The following ELMO1 variants were observed in gnomAD, a reference collection of about 807,000 sequenced individuals.
ELMO1 encodes the protein engulfment and cell motility 1.
ELMO1 carries 26 observed loss-of-function variants against 98.9 expected under a neutral mutation model. That is an observed-to-expected ratio of 0.26 (90% CI 0.19 to 0.36). The LOEUF is 0.36. Among genes scored for constraint, ELMO1 ranks in the 10% least tolerant of loss-of-function variants. The probability of loss-of-function intolerance (pLI) is 1.00; values close to 1 mark genes in which losing one functional copy is unlikely to be tolerated. For synonymous variants in ELMO1, 346 were observed against 346.0 expected (o/e 1.00, Z 0.00); for missense variants, 627 against 935.2 (o/e 0.67, Z 4.30).
chr7:37,135,083 A>T (rs1163394909), intron 13 of ELMO1, among the ~76,000 whole-genome samples: 1 of 152,208 alleles, frequency 6.6e-6, no homozygotes, highest in African/African-American at 2.4e-5. Flanking sequence ...AAATATGCCT[A>T]AGAGGAGAAG....
intron 16 of ELMO1, among the ~76,000 whole-genome samples, chr7:37,012,318 C>A (rs550514762): frequency 2.0e-5 from 3 of 152,220 alleles, no homozygotes; most frequent in Admixed American, 6.5e-5. Context: ...GACAGGGAGG[C>A]AATGACCAAC....
intron 6 of ELMO1, among the ~76,000 whole-genome samples, chr7:37,249,982 G>C (rs933031689): frequency 5.9e-5 from 9 of 152,180 alleles, no homozygotes; most frequent in Non-Finnish European, 1.0e-4. Flanking sequence ...AGGAGGCTGA[G>C]GCAGGAGGAC....
intron 14 of ELMO1, among the ~76,000 whole-genome samples, chr7:37,103,395 C>T (rs1244976994): frequency 1.3e-4 from 20 of 151,856 alleles, no homozygotes; most frequent in Admixed American, 1.3e-3. Flanking sequence ...GGTTCTACAT[C>T]ATTCTCAGCA....
chr7:37,135,785 GA>G (rs1196947413), intron 13 of ELMO1, among the ~76,000 whole-genome samples: 1 of 152,106 alleles, frequency 6.6e-6, no homozygotes, highest in Non-Finnish European at 1.5e-5. Flanking sequence ...GAGGGAACCA[GA>G]AAAACAATTC....
chr7:37,064,217 C>T (rs1477806607), intron 15 of ELMO1, among the ~76,000 whole-genome samples: 1 of 152,196 alleles, frequency 6.6e-6, no homozygotes, highest in East Asian at 1.9e-4. Flanking sequence ...TGCTGCACAA[C>T]ATCATTTCAT....
intron 1 of ELMO1, among the ~76,000 whole-genome samples, chr7:37,384,698 C>T (rs1477789830): frequency 1.3e-5 from 2 of 148,458 alleles, no homozygotes; most frequent in South Asian, 2.1e-4. Flanking sequence ...CCGGCCTGGG[C>T]GAAAGAGCAA....
At chr7:37,088,564 T>C (rs1206149838) in intron 15 of ELMO1, among the ~76,000 whole-genome samples, 1 of 152,204 alleles carries the variant, frequency 6.6e-6, no homozygotes, top group Admixed American at 6.5e-5. Context: ...TCATGACTGA[T>C]GATGACTGAT....
chr7:37,321,234 T>C (rs948536619), intron 2 of ELMO1, among the ~76,000 whole-genome samples: 1 of 152,214 alleles, frequency 6.6e-6, no homozygotes, highest in African/African-American at 2.4e-5. Flanking sequence ...GCTCATTGCC[T>C]GACCAGTAAA....
intron 16 of ELMO1, among the ~76,000 whole-genome samples, chr7:36,929,995 T>A (rs1785906080): frequency 6.6e-6 from 1 of 152,190 alleles, no homozygotes; most frequent in South Asian, 2.1e-4. Context: ...CCCTAAATTA[T>A]GTTGAGAGAT....
chr7:37,444,516 G>A (rs1281280444), intron 1 of ELMO1, among the ~76,000 whole-genome samples: 1 of 148,612 alleles, frequency 6.7e-6, no homozygotes, highest in African/African-American at 2.4e-5. Flanking sequence ...TACAAATAGT[G>A]GCATTTTTTT....
At chr7:37,197,946 G>C (rs1345069591) in intron 13 of ELMO1, among the ~76,000 whole-genome samples, 1 of 152,166 alleles carries the variant, frequency 6.6e-6, no homozygotes, top group African/African-American at 2.4e-5. Flanking sequence ...AGGGTATCGT[G>C]GATGGAGTCA....
At chr7:37,389,793 T>C (rs928287646) in intron 1 of ELMO1, among the ~76,000 whole-genome samples, 1 of 151,762 alleles carries the variant, frequency 6.6e-6, no homozygotes, top group Non-Finnish European at 1.5e-5. Flanking sequence ...CCTAGGGGTA[T>C]GCGTAAAGAA....
At chr7:37,049,982 G>A (rs1796015844) in intron 15 of ELMO1, among the ~76,000 whole-genome samples, 1 of 151,944 alleles carries the variant, frequency 6.6e-6, no homozygotes, top group African/African-American at 2.4e-5. Context: ...GTTTCTCCAT[G>A]TTGGTCAGGC....
chr7:37,162,949 GAATA>G (rs1789332266), intron 13 of ELMO1, among the ~76,000 whole-genome samples: 1 of 152,104 alleles, frequency 6.6e-6, no homozygotes, highest in Non-Finnish European at 1.5e-5. Context: ...AAGTTCTCCT[GAATA>G]AATAATCCTT....
intron 14 of ELMO1, among the ~76,000 whole-genome samples, chr7:37,102,789 G>A (rs952908259): frequency 6.6e-6 from 1 of 152,184 alleles, no homozygotes; most frequent in African/African-American, 2.4e-5. Context: ...ACCCAGCATG[G>A]AAGCTTAGAT....
At chr7:36,972,403 C>T (rs866450550) in intron 16 of ELMO1, among the ~76,000 whole-genome samples, 11 of 152,216 alleles carry the variant, frequency 7.2e-5, no homozygotes, top group Admixed American at 1.3e-4. Context: ...TATCAGTTTG[C>T]TAGGACTGCC....
intron 14 of ELMO1, among the ~76,000 whole-genome samples, chr7:37,110,616 TA>T (rs1035172144): frequency 2.0e-5 from 3 of 152,134 alleles, no homozygotes; most frequent in Admixed American, 2.0e-4. Flanking sequence ...AACCATAATC[TA>T]AAAATGATGT....
chr7:37,321,731 A>AAAAAAAAAAC (rs1799514912), intron 2 of ELMO1, among the ~76,000 whole-genome samples: 1 of 150,348 alleles, frequency 6.7e-6, no homozygotes, highest in Non-Finnish European at 1.5e-5. Flanking sequence ...AAAAAAAAAA[A>AAAAAAAAAAC]AAAAAAACAC....
intron 1 of ELMO1, among the ~76,000 whole-genome samples, chr7:37,401,275 T>C (rs1202919352): frequency 6.6e-6 from 1 of 152,068 alleles, no homozygotes; most frequent in Non-Finnish European, 1.5e-5. Context: ...AATAAGGACA[T>C]TGAAGGGATG....
Sources: allele counts gnomAD v4.1 joint callset (sites outside exome capture counted in the v4.1 genomes callset), GRCh38; gene constraint gnomAD v4.1.1; transcripts MANE v1.5; gene names NCBI Gene and HGNC (gene_info 2026-07-23, HGNC 2026-07-21).